ZNF326: variants seen among roughly 807,000 people sequenced by gnomAD.
ZNF326 encodes DBIRD complex subunit ZNF326.
Under a neutral mutation model 63.1 loss-of-function variants are expected in ZNF326, and 30 were observed. That is an observed-to-expected ratio of 0.48 (90% confidence interval 0.36 to 0.64). ZNF326 has a LOEUF of 0.64. Among genes scored for constraint, ZNF326 ranks in the 30% least tolerant of loss-of-function variants. The probability of loss-of-function intolerance (pLI) is 0.00; values close to 1 mark genes in which losing one functional copy is unlikely to be tolerated. For missense variants in ZNF326, 609 were observed against 720.3 expected (o/e 0.85, Z 1.77); for synonymous variants, 194 against 228.2 (o/e 0.85, Z 1.35).
Position 90,020,912 on chromosome 1 carries a change from A to C in ZNF326, c.1295A>C (p.Lys432Thr). 6.2e-7 allele frequency: 1 copy of C among 1,612,146 alleles called. No individual in the cohort carries two copies. Among genetic ancestry groups the C allele is most frequent in the Non-Finnish European group, 8.5e-7 (1 of 1,179,008 alleles). Reference sequence around the variant, plus strand: ...CACTTAAAATCTCCTGATCATATCAAAGGGAAGCAGGTAAAATTTTCATCT... The same window carrying C: ...CACTTAAAATCTCCTGATCATATCACAGGGAAGCAGGTAAAATTTTCATCT... ...QQHLKSPDHI[K>T]GKQAYKEQIK... Residue 432 changes from lysine (K) to threonine (T), a missense_variant, in exon 10 of 12, where the codon AAA (lysine) becomes ACA (threonine). Physicochemically the swap from Lys to Thr is moderately conservative, Grantham distance 78 (BLOSUM62 -1). Around this residue, in one of 3 missense-constraint regions of ZNF326, gnomAD observed 399 missense variants for 444.3 expected, o/e 0.90. Coordinates refer to ENST00000340281, the MANE Select transcript of ZNF326 (RefSeq NM_182976.4).
At position 90,018,715 on chromosome 1, in the gene ZNF326, T is replaced by G. The variant is rs1649617379; in HGVS notation, c.1105T>G (p.Ser369Ala). ...TATGGTGAATAAATTCAAGAAAACATCTATTCGTAAGCAACAGACAAATAA... is the reference window on the plus strand; with the variant it reads ...TATGGTGAATAAATTCAAGAAAACAGCTATTCGTAAGCAACAGACAAATAA... ...ECMVNKFKKT[S>A]IRKQQTNNQT... The change falls in exon 9 of 12, where the codon TCT becomes GCT. Residue 369 changes from serine (S) to alanine (A), a missense_variant. By Grantham distance (99) the Ser-to-Ala change is moderately conservative (BLOSUM62 1). Coordinates refer to ENST00000340281, the MANE Select transcript of ZNF326 (RefSeq NM_182976.4). 6.3e-7 allele frequency: 1 copy of G among 1,580,004 alleles called. No homozygotes were observed. Among genetic ancestry groups the G allele is most frequent in the Non-Finnish European group, 8.6e-7 (1 of 1,162,854 alleles).
intron 9 of ZNF326, 68 bp downstream of exon 9, chr1:90,018,852 G>A (rs1649624648): frequency 4.5e-6 from 4 of 889,500 alleles, no homozygotes; most frequent in Admixed American, 2.9e-5. Context: ...CTGTTTAAAT[G>A]TAAATGATAG....
chr1:90,002,513 T>C (rs573452598), intron 2 of ZNF326, among the ~76,000 whole-genome samples: 94 of 152,326 alleles, frequency 6.2e-4, no homozygotes, highest in Admixed American at 1.5e-3. Context: ...TTGAAAACTT[T>C]ATTTTAATCT....
chr1:90,005,834 C>A, intron 4 of ZNF326: 1 of 985,340 alleles, frequency 1.0e-6, no homozygotes, highest in East Asian at 1.1e-4. Flanking sequence ...CACTTGTGCT[C>A]TAGGCTAGAA....
chr1:90,012,532 T>C (rs1649301356), intron 6 of ZNF326, among the ~76,000 whole-genome samples: 2 of 152,230 alleles, frequency 1.3e-5, no homozygotes, highest in African/African-American at 4.8e-5. Flanking sequence ...ACTTTGTGAA[T>C]GTACTTAATG....
rs1649809901 is a variant in ZNF326 at position 90,022,326 on chromosome 1, G to A, written c.1382G>A (p.Arg461Gln). Reference sequence around the variant, plus strand: ...TTAAATAATCCAATAGTGAAGGCGCGATATGAACGTTTTGTTAAGGTAAGA... The same window carrying A: ...TTAAATAATCCAATAGTGAAGGCGCAATATGAACGTTTTGTTAAGGTAAGA... Reference protein sequence around the residue: ...SILNNPIVKARYERFVKGENP... With the variant: ...SILNNPIVKAQYERFVKGENP... The change falls in exon 11 of 12, where the codon CGA (arginine) becomes CAA (glutamine). Residue 461 changes from arginine to glutamine, a missense_variant. By Grantham distance (43) the Arg-to-Gln change is conservative (BLOSUM62 1). Around this residue, in one of 3 missense-constraint regions of ZNF326, gnomAD observed 399 missense variants for 444.3 expected, o/e 0.90. Coordinates refer to ENST00000340281, the MANE Select transcript of ZNF326 (RefSeq NM_182976.4). The A allele has an allele frequency of 2.5e-6, 4 of 1,612,302 alleles. No individual in the cohort carries two copies. The highest frequency in any genetic ancestry group is 3.4e-6 in the Non-Finnish European group (4 of 1,179,144).
At chr1:90,013,742 A>G (rs2101074319) in intron 7 of ZNF326, among the ~76,000 whole-genome samples, 1 of 152,338 alleles carries the variant, frequency 6.6e-6, no homozygotes, top group Admixed American at 6.5e-5. Flanking sequence ...GAAGAATGTA[A>G]TATTTAATAA....
intron 10 of ZNF326, 23 bp downstream of exon 10, chr1:90,020,945 T>C (rs372193074): frequency 6.2e-7 from 1 of 1,607,204 alleles, no homozygotes; most frequent in Non-Finnish European, 8.5e-7. Context: ...TCTGTCTTAA[T>C]AAAGTTGCCA....
chr1:90,027,069 G>GTA (rs1484212320), intron 11 of ZNF326, among the ~76,000 whole-genome samples: 12 of 151,556 alleles, frequency 7.9e-5, no homozygotes, highest in Admixed American at 1.3e-4. Flanking sequence ...GTATATATGT[G>GTA]TGTGTGTGTG....
rs934917761 is a variant in ZNF326 at position 90,031,386 on chromosome 1, A to G, written c.*3685A>G. On this transcript the variant is annotated 3_prime_UTR_variant, in exon 12 of 12. Coordinates refer to ENST00000340281, the MANE Select transcript of ZNF326 (RefSeq NM_182976.4). ...TTGGCAAGATTGTTCTTATTGTAGA[A>G]GTGGATATTATCAGATTATTTTAGA... is the stretch of plus-strand genomic sequence containing the variant. 3 of 152,230 alleles carry G rather than the reference A, an allele frequency of 2.0e-5. No homozygotes were observed. The highest frequency in any genetic ancestry group is 4.8e-5 in the African/African-American group (2 of 41,462). The allele number at this position is 152,230 out of a possible 1,614,324, so 9.4% of individuals were successfully genotyped here.
intron 2 of ZNF326, among the ~76,000 whole-genome samples, chr1:89,999,824 T>C (rs184660098): frequency 6.6e-6 from 1 of 152,326 alleles, no homozygotes; most frequent in African/African-American, 2.4e-5. Context: ...ATTTATTTAG[T>C]GCCTGCTGGG....
Position 90,031,219 on chromosome 1 carries a change from A to T in ZNF326, c.*3518A>T, listed in dbSNP as rs1482011085. 6.6e-6 allele frequency: 1 copy of T among 152,220 alleles called. No individual in the cohort carries two copies. The allele number at this position is 152,220 out of a possible 1,614,324, so 9.4% of individuals were successfully genotyped here. ...GGGGACTTTTCCCCCCTCATTTAAT[A>T]CTTACAACTATATTGGTAAGTTAGT... On this transcript the variant is annotated 3_prime_UTR_variant, in exon 12 of 12. Transcript: ENST00000340281.
chr1:90,009,598 T>A (rs1022794227), intron 5 of ZNF326, among the ~76,000 whole-genome samples: 4 of 152,148 alleles, frequency 2.6e-5, no homozygotes, highest in Non-Finnish European at 4.4e-5. Context: ...GCCTTCTCAT[T>A]CCCTTTTTCA....
intron 1 of ZNF326, among the ~76,000 whole-genome samples, chr1:89,997,740 C>A (rs539274525): frequency 6.6e-6 from 1 of 152,164 alleles, no homozygotes; most frequent in Non-Finnish European, 1.5e-5. Context: ...TTTCATGTTA[C>A]GTACAATTCT....
chr1:90,018,542 CAATT>C, intron 8 of ZNF326, 139 bp from the exon 9 acceptor site: 1 of 439,932 alleles, frequency 2.3e-6, no homozygotes. Flanking sequence ...ATTATCTTTT[CAATT>C]AAATTATAAA....
Position 90,027,879 on chromosome 1 carries a change from C to T in ZNF326, c.*178C>T. On this transcript the variant is annotated 3_prime_UTR_variant, in exon 12 of 12. Coordinates refer to ENST00000340281, the MANE Select transcript of ZNF326 (RefSeq NM_182976.4). ...TTTGTTTAATAAAATGAAGGCAAAA[C>T]TATTTTAGTTTAGTTTTTATAGCTA... 6.5e-6 allele frequency: 4 copies of T among 613,104 alleles called. No homozygotes were observed. In the South Asian group the frequency reaches 9.6e-5, roughly 15 times the overall value. The allele number at this position is 613,104 out of a possible 1,614,324, so 38.0% of individuals were successfully genotyped here. A position where few individuals can be genotyped will look rare whatever the true frequency, so the allele number is the denominator to read the frequency against.
intron 11 of ZNF326, among the ~76,000 whole-genome samples, chr1:90,023,494 T>G (rs1649868891): frequency 6.6e-6 from 1 of 152,196 alleles, no homozygotes; most frequent in African/African-American, 2.4e-5. Flanking sequence ...AGGGGCCTAT[T>G]TTCTAATTTG....
At chr1:89,998,833 A>G (rs1374664836) in intron 2 of ZNF326, among the ~76,000 whole-genome samples, 1 of 152,256 alleles carries the variant, frequency 6.6e-6, no homozygotes, top group African/African-American at 2.4e-5. Context: ...GGCATTAAAT[A>G]TCATGATTGC....
intron 5 of ZNF326, among the ~76,000 whole-genome samples, chr1:90,008,193 C>T (rs1179912520): frequency 1.3e-5 from 2 of 152,156 alleles, no homozygotes; most frequent in East Asian, 3.8e-4. Context: ...TTCAAAGCTC[C>T]ATGTTTCACA....
Sources: gnomAD v4.1 joint callset for allele counts (sites outside exome capture counted in the v4.1 genomes callset) on GRCh38, gnomAD v4.1.1 for gene constraint, gnomAD v4.1.1 regional missense constraint, MANE v1.5 for transcripts, NCBI Gene and HGNC (gene_info 2026-07-23, HGNC 2026-07-21) for gene names.